Variants in NELL2 observed in about 807,000 individuals in gnomAD.
The protein encoded by NELL2 is neural EGFL like 2.
Under a neutral mutation model 109.6 loss-of-function variants are expected in NELL2, and 41 were observed. The observed-to-expected ratio is 0.37, with a 90% CI of 0.29 to 0.49. The LOEUF is 0.49. Ranked by LOEUF, NELL2 falls within the 20% of genes least tolerant of loss-of-function variation. The probability of loss-of-function intolerance (pLI) is 0.98; values close to 1 mark genes in which losing one functional copy is unlikely to be tolerated. For missense variants in NELL2, 900 were observed against 1,008.3 expected (o/e 0.89, Z 1.45); for synonymous variants, 355 against 344.7 (o/e 1.03, Z -0.33).
At chr12:44,897,326 G>A (rs548940428) in intron 1 of NELL2, among the ~76,000 whole-genome samples, 58 of 152,176 alleles carry the variant, frequency 3.8e-4, no homozygotes, top group Admixed American at 3.2e-3. Flanking sequence ...GGACTCCCCC[G>A]TAAGATGGCC....
intron 2 of NELL2, among the ~76,000 whole-genome samples, chr12:44,839,863 T>C (rs1944169311): frequency 6.6e-6 from 1 of 152,246 alleles, no homozygotes; most frequent in Admixed American, 6.5e-5. Flanking sequence ...TACACTGCTT[T>C]GCCCAGGCTT....
At chr12:44,563,177 CA>C (rs1352230073) in intron 15 of NELL2, among the ~76,000 whole-genome samples, 2 of 151,926 alleles carry the variant, frequency 1.3e-5, no homozygotes, top group Non-Finnish European at 2.9e-5. Context: ...GATTGGGAGA[CA>C]GGGGAGGGAT....
intron 12 of NELL2, among the ~76,000 whole-genome samples, chr12:44,677,341 A>G (rs1251112812): frequency 1.3e-5 from 2 of 152,124 alleles, no homozygotes; most frequent in Non-Finnish European, 2.9e-5. Flanking sequence ...TGTCATATAT[A>G]CACATGCTGT....
intron 2 of NELL2, among the ~76,000 whole-genome samples, chr12:44,827,287 CT>C (rs1216115910): frequency 2.0e-5 from 3 of 151,962 alleles, no homozygotes; most frequent in African/African-American, 7.3e-5. Flanking sequence ...AGCACTTATC[CT>C]TTGTGTTATA....
At chr12:44,843,298 G>C (rs868101461) in intron 2 of NELL2, among the ~76,000 whole-genome samples, 1 of 151,766 alleles carries the variant, frequency 6.6e-6, no homozygotes, top group African/African-American at 2.4e-5. Context: ...ATAAATACAT[G>C]AAAAAGTACT....
chr12:44,811,092 C>T (rs182780130), intron 3 of NELL2, among the ~76,000 whole-genome samples: 68 of 151,946 alleles, frequency 4.5e-4, no homozygotes, highest in African/African-American at 1.5e-3. Flanking sequence ...AACCAAACAC[C>T]GCATGTTCTC....
chr12:44,601,150 C>T (rs1443261163), intron 15 of NELL2, among the ~76,000 whole-genome samples: 1 of 152,038 alleles, frequency 6.6e-6, no homozygotes, highest in Non-Finnish European at 1.5e-5. Context: ...AGCTTGAAAG[C>T]TATTTTTTTC....
intron 12 of NELL2, among the ~76,000 whole-genome samples, chr12:44,694,929 C>A (rs1949014246): frequency 6.6e-6 from 1 of 151,642 alleles, no homozygotes; most frequent in African/African-American, 2.4e-5. Context: ...TAATCATATG[C>A]AAATATGGTT....
At position 44,522,186 on chromosome 12, in the gene NELL2, A is replaced by G. The variant is rs770700708; in HGVS notation, c.1999-10T>C. The G allele has an allele frequency of 6.2e-7, 1 of 1,610,278 alleles. No homozygotes were observed. The highest frequency in any genetic ancestry group is 8.5e-7 in the Non-Finnish European group (1 of 1,178,420). On this transcript the variant is annotated splice_polypyrimidine_tract_variant and intron_variant, in intron 17 of 19. Coordinates refer to ENST00000429094, the MANE Select transcript of NELL2 (RefSeq NM_001145108.2). Reference sequence around the variant, plus strand: ...ACATAACGAATCCATTCTGTATGAAAAAGAAAAAAAGCAGTTACCAAAAAC... The same window carrying G: ...ACATAACGAATCCATTCTGTATGAAGAAGAAAAAAAGCAGTTACCAAAAAC...
intron 15 of NELL2, among the ~76,000 whole-genome samples, chr12:44,533,042 C>T (rs117080531): frequency 7.2e-5 from 11 of 152,282 alleles, no homozygotes; most frequent in Non-Finnish European, 1.5e-4. Flanking sequence ...TTATGATTCT[C>T]CAGGCCCTTC....
At chr12:44,898,902 G>A (rs925285955) in intron 1 of NELL2, among the ~76,000 whole-genome samples, 4 of 152,066 alleles carry the variant, frequency 2.6e-5, no homozygotes, top group Non-Finnish European at 5.9e-5. Flanking sequence ...GCAGTTGAGA[G>A]AAGAACATAA....
intron 1 of NELL2, among the ~76,000 whole-genome samples, chr12:44,919,451 C>A (rs1407248725): frequency 6.6e-6 from 1 of 152,078 alleles, no homozygotes; most frequent in Non-Finnish European, 1.5e-5. Context: ...AAAGTCCTAA[C>A]CCCCAGTACC....
intron 2 of NELL2, among the ~76,000 whole-genome samples, chr12:44,852,452 G>T (rs1290353234): frequency 2.6e-5 from 4 of 152,142 alleles, no homozygotes; most frequent in South Asian, 2.1e-4. Flanking sequence ...TGAGAGAAAA[G>T]CTTTGTTACA....
intron 15 of NELL2, among the ~76,000 whole-genome samples, chr12:44,606,807 G>C (rs1271906337): frequency 1.3e-5 from 2 of 152,052 alleles, no homozygotes; most frequent in African/African-American, 4.8e-5. Flanking sequence ...TCTCGGCACT[G>C]AGTTGGCCAT....
chr12:44,754,904 C>T (rs1218979362), intron 9 of NELL2, among the ~76,000 whole-genome samples: 1 of 152,194 alleles, frequency 6.6e-6, no homozygotes, highest in African/African-American at 2.4e-5. Flanking sequence ...ATCGACAACT[C>T]TGTGAGGCAG....
Position 44,574,242 on chromosome 12 carries a change from C to G in NELL2, c.1663+32927G>C, listed in dbSNP as rs186912557. ...TCAGTCTCCCGAGTAGCTGGGATTA[C>G]AGGCGTGCGCCACAACGCCTGGCTA... is the stretch of plus-strand genomic sequence containing the variant. On this transcript the variant is annotated intron_variant, in intron 15 of 19. Transcript: ENST00000429094. 2.2e-3 allele frequency among the ~76,000 whole-genome samples: 334 copies of G among 152,130 alleles called. 1 individual carries two copies. The highest frequency in any genetic ancestry group is 6.8e-3 in the Middle Eastern group (2 of 294).
In NELL2 at chr12:44,508,694, ATTC is replaced by A. The variant is rs1940837869; in HGVS notation, c.*237_*239del. The A allele has an allele frequency of 3.9e-6, 2 of 511,420 alleles. No homozygotes were observed. Among genetic ancestry groups the A allele is most frequent in the Non-Finnish European group, 7.1e-6 (2 of 281,234 alleles). The allele number at this position is 511,420 out of a possible 1,614,324, so 31.7% of individuals were successfully genotyped here. A position where few individuals can be genotyped will look rare whatever the true frequency, so the allele number is the denominator to read the frequency against. Reference sequence around the variant, plus strand: ...ATGTCACGGTATATACTGTACGCCCATTCTTCTACATGGTGATGTGAGACACAG... The same window carrying A: ...ATGTCACGGTATATACTGTACGCCCATTCTACATGGTGATGTGAGACACAG... On this transcript the variant is annotated 3_prime_UTR_variant, in exon 20 of 20. Transcript: ENST00000429094.
chr12:44,898,266 C>A (rs565269930), intron 1 of NELL2, among the ~76,000 whole-genome samples: 1 of 152,172 alleles, frequency 6.6e-6, no homozygotes, highest in East Asian at 1.9e-4. Flanking sequence ...TAGGGACAGA[C>A]GACCTCCTCA....
rs1941330126 is a variant in NELL2 at position 44,517,425 on chromosome 12, C to T, written c.2400+2580G>A. On this transcript the variant is annotated intron_variant, in intron 19 of 19. Coordinates refer to ENST00000429094, the MANE Select transcript of NELL2 (RefSeq NM_001145108.2). ...TCTCTCTCTCTCTCTCTCTCTCGTT[C>T]CCACTCTTGCCATGTGAAATGCCTT... is the stretch of plus-strand genomic sequence containing the variant. 2.0e-5 allele frequency among the ~76,000 whole-genome samples: 3 copies of T among 149,078 alleles called. No homozygotes were observed. In the Admixed American group the frequency reaches 2.0e-4, roughly 10 times the overall value.
Sources: gnomAD v4.1 joint callset for allele counts (sites outside exome capture counted in the v4.1 genomes callset) on GRCh38, gnomAD v4.1.1 for gene constraint, MANE v1.5 for transcripts, NCBI Gene and HGNC (gene_info 2026-07-23, HGNC 2026-07-21) for gene names.